The following MYCBP2 variants were observed in gnomAD, a reference collection of about 807,000 sequenced individuals.
MYCBP2 encodes MYC binding protein 2, also known as E3 ubiquitin-protein ligase MYCBP2.
In MYCBP2, 120 loss-of-function variants were observed where a neutral mutation model predicts 525.3. That is an observed-to-expected ratio of 0.23 (90% CI 0.20 to 0.27). The LOEUF (loss-of-function observed/expected upper bound fraction) is 0.27. Ranked by LOEUF, MYCBP2 falls within the 10% of genes least tolerant of loss-of-function variation. The pLI is 1.00. For missense variants in MYCBP2, 4,149 were observed against 5,657.1 expected, an observed-to-expected ratio of 0.73 and a Z score of 8.55; for synonymous variants, 1,894 against 1,955.8, an observed-to-expected ratio of 0.97 and a Z score of 0.83.
intron 23 of MYCBP2, among the ~76,000 whole-genome samples, chr13:77,210,804 TAATA>T (rs2063908839): frequency 6.6e-6 from 1 of 152,212 alleles, no homozygotes; most frequent in South Asian, 2.1e-4. Flanking sequence ...ACAGTAAAAT[TAATA>T]ATTATAATGA....
rs561810405 is a variant in MYCBP2 at position 77,285,921 on chromosome 13, G to A, written c.594+2240C>T. On this transcript the variant is annotated intron_variant, in intron 3 of 82. Coordinates refer to ENST00000544440, the MANE Select transcript of MYCBP2 (RefSeq NM_015057.5). ...AAGCAAAGGAAAGCAAAGGAAGGAA[G>A]GAAGGAGCTATTAGAGTAGGTACAG... 2.8e-4 allele frequency among the ~76,000 whole-genome samples: 40 copies of A among 144,724 alleles called. 1 individual carries two copies. In the East Asian group the frequency reaches 5.4e-3, roughly 19 times the overall value. 94.9% of individuals were successfully genotyped at this position (144,724 alleles called of 152,430 possible).
In MYCBP2 at chr13:77,308,949, C is replaced by T. The variant is rs542044609; in HGVS notation, c.303-12275G>A. ...TAACTCTCTGGCGCATGTGAGTTGC[C>T]CTGCACACAGGCCAAGTGTGTTTCT... is the stretch of plus-strand genomic sequence containing the variant. On this transcript the variant is annotated intron_variant, in intron 1 of 82. Coordinates refer to ENST00000544440, the MANE Select transcript of MYCBP2 (RefSeq NM_015057.5). Among the ~76,000 whole-genome samples the T allele has an allele frequency of 1.4e-4, 22 of 152,230 alleles. No individual in the cohort carries two copies. In the East Asian group the frequency reaches 3.9e-3, roughly 27 times the overall value.
chr13:77,224,601 A>C, intron 19 of MYCBP2, 69 bp from the exon 20 acceptor site: 1 of 929,038 alleles, frequency 1.1e-6, no homozygotes, highest in Non-Finnish European at 1.7e-6. Context: ...AACTATACTA[A>C]AAGCAGTGTA....
At position 77,050,010 on chromosome 13, in the gene MYCBP2, C is replaced by CT. The variant is rs1034003775; in HGVS notation, c.13921+986dup. On this transcript the variant is annotated intron_variant, in intron 82 of 82. Transcript: ENST00000544440. ...AGCACACAGAAACACCATCCTCACT[C>CT]TTTTTTTTTTTTAAACTGATGCGTA... Among the ~76,000 whole-genome samples the CT allele has an allele frequency of 2.5e-3, 368 of 149,710 alleles. 3 individuals are homozygous for CT. The highest frequency in any genetic ancestry group is 6.0e-3 in the African/African-American group (245 of 40,914).
At chr13:77,316,267 A>G (rs1179202713) in intron 1 of MYCBP2, among the ~76,000 whole-genome samples, 2 of 152,244 alleles carry the variant, frequency 1.3e-5, no homozygotes, top group Admixed American at 1.3e-4. Context: ...TTATATATTC[A>G]TATCAAACAA....
At chr13:77,268,783 A>C (rs1340835437) in intron 7 of MYCBP2, among the ~76,000 whole-genome samples, 4 of 151,838 alleles carry the variant, frequency 2.6e-5, no homozygotes, top group Middle Eastern at 3.2e-3. Context: ...ACAACTCCAA[A>C]AAAAAAAAAA....
Position 77,081,628 on chromosome 13 carries a change from T to C in MYCBP2, c.11217A>G (p.Leu3739=). The change falls in exon 65 of 83, where the codon TTA becomes TTG. Residue 3739 remains leucine (L), a synonymous_variant. Transcript: ENST00000544440. The surrounding 1 kb of genome is among the most constrained non-coding windows in gnomAD (Gnocchi z 4.6). ...MSQELCIVMC[L]KDLTSIVDIK... ...TGTCAACAATGCTGGTTAAGTCCTTTAAGCACATTACTATGCATAATTCCT... is the reference window on the plus strand; with the variant it reads ...TGTCAACAATGCTGGTTAAGTCCTTCAAGCACATTACTATGCATAATTCCT... The C allele has an allele frequency of 6.2e-7, 1 of 1,613,164 alleles. No homozygotes were observed. The highest frequency in any genetic ancestry group is 1.1e-5 in the South Asian group (1 of 91,002).
intron 16 of MYCBP2, 61 bp downstream of exon 16, chr13:77,243,745 C>T: frequency 6.9e-7 from 1 of 1,447,136 alleles, no homozygotes; most frequent in Middle Eastern, 1.8e-4. Context: ...ATTGTTTAAA[C>T]TGTCAGACTT....
At chr13:77,227,481 TACACACACACAC>T (rs71704593) in intron 18 of MYCBP2, among the ~76,000 whole-genome samples, 12 of 145,182 alleles carry the variant, frequency 8.3e-5, no homozygotes, top group Non-Finnish European at 1.5e-4. Context: ...CACACACACA[TACACACACACAC>T]ACACACACAC....
At chr13:77,285,862 A>C (rs564096141) in intron 3 of MYCBP2, among the ~76,000 whole-genome samples, 52 of 12,588 alleles carry the variant, frequency 4.1e-3, no homozygotes, top group African/African-American at 6.1e-3. Context: ...AGGAAGGGAA[A>C]GGAAAGGAAA....
chr13:77,245,225 T>C (rs1415239164), intron 15 of MYCBP2, among the ~76,000 whole-genome samples: 1 of 152,110 alleles, frequency 6.6e-6, no homozygotes, highest in Non-Finnish European at 1.5e-5. Context: ...GAATCAGAAA[T>C]ACCATTTGAC....
chr13:77,064,871 C>T (rs1274389079), intron 72 of MYCBP2, 137 bp from the exon 73 acceptor site: 1 of 719,516 alleles, frequency 1.4e-6, no homozygotes, highest in East Asian at 3.4e-5. Context: ...ATTATGGGCA[C>T]AAACTTTTGA....
rs2043349092 is a variant in MYCBP2 at position 77,081,792 on chromosome 13, T to C, written c.11193+45A>G. ...AACTTACAGTTTCTCCTTTGATGTA[T>C]TATTAACTAACAGGACAACCAGGAT... On this transcript the variant is annotated intron_variant, in intron 64 of 82. Transcript: ENST00000544440. This position sits in a 1 kb window ranked among gnomAD's most constrained non-coding sequence, Gnocchi z 4.6. 2 of 1,584,798 alleles carry C rather than the reference T, an allele frequency of 1.3e-6. No individual in the cohort carries two copies. Among genetic ancestry groups the C allele is most frequent in the African/African-American group, 1.4e-5 (1 of 73,826 alleles).
chr13:77,068,701 T>C lies in MYCBP2; in HGVS notation c.12035A>G (p.Tyr4012Cys), dbSNP rs1465364043. The C allele has an allele frequency of 6.2e-7, 1 of 1,614,170 alleles. No homozygotes were observed. Among genetic ancestry groups the C allele is most frequent in the Non-Finnish European group, 8.5e-7 (1 of 1,180,014 alleles). ...PNDEDASSDA[Y>C]CFELLSMVLA... ...AACCATAGAGAGCAGCTCAAAGCAGTAGGCATCAGAGGAGGCATCTTCATC... is the reference window on the plus strand; with the variant it reads ...AACCATAGAGAGCAGCTCAAAGCAGCAGGCATCAGAGGAGGCATCTTCATC... Residue 4012 changes from tyrosine (Y) to cysteine (C), a missense_variant, in exon 70 of 83, where the codon TAC becomes TGC. Tyr to Cys is a radical substitution (Grantham distance 194, BLOSUM62 -2). Transcript: ENST00000544440.
intron 17 of MYCBP2, among the ~76,000 whole-genome samples, chr13:77,238,265 A>T (rs1244517896): frequency 6.6e-6 from 1 of 151,362 alleles, no homozygotes; most frequent in Non-Finnish European, 1.5e-5. Context: ...AAAAAAAAAA[A>T]AAGAAATATG....
chr13:77,060,994 G>A (rs1201459534), intron 76 of MYCBP2, among the ~76,000 whole-genome samples, 175 bp downstream of exon 76: 1 of 152,084 alleles, frequency 6.6e-6, no homozygotes, highest in Admixed American at 6.6e-5. Flanking sequence ...TTGACTTTTG[G>A]TCTAATGCTC....
chr13:77,130,408 T>C (rs1404719042), intron 52 of MYCBP2, among the ~76,000 whole-genome samples: 1 of 151,524 alleles, frequency 6.6e-6, no homozygotes, highest in Non-Finnish European at 1.5e-5. Flanking sequence ...TCCATATCCA[T>C]ATATATATAT....
At chr13:77,166,995 ACACACAC>A (rs1429175609) in intron 40 of MYCBP2, among the ~76,000 whole-genome samples, 45 of 150,528 alleles carry the variant, frequency 3.0e-4, no homozygotes, top group Admixed American at 2.8e-3. Flanking sequence ...ACACACACAC[ACACACAC>A]ACACACACAC....
chr13:77,236,818 G>A (rs983381278), intron 17 of MYCBP2, among the ~76,000 whole-genome samples: 1 of 151,836 alleles, frequency 6.6e-6, no homozygotes, highest in South Asian at 2.1e-4. Flanking sequence ...GGGTCACTTG[G>A]GCCCAGTTGT....
Sources: gnomAD v4.1 joint callset for allele counts (sites outside exome capture counted in the v4.1 genomes callset) on GRCh38, gnomAD v4.1.1 for gene constraint, Gnocchi (gnomAD v3.1) non-coding constraint, MANE v1.5 for transcripts, NCBI Gene and HGNC (gene_info 2026-07-23, HGNC 2026-07-21) for gene names.